The following SLC9D1 variants were observed in gnomAD, a reference collection of about 807,000 sequenced individuals.
SLC9D1 encodes putative LAG1-interacting protein.
the SLC9D1 span, chr13:113,498,524 A>G: frequency 6.3e-7 from 1 of 1,579,648 alleles, no homozygotes; most frequent in South Asian, 1.2e-5. Context: ...ATAAATCAGT[A>G]AGCGTTCCAG....
At chr13:113,516,646 G>A in the SLC9D1 span, among the ~76,000 whole-genome samples, 1 of 152,034 alleles carries the variant, frequency 6.6e-6, no homozygotes, top group Non-Finnish European at 1.5e-5. Flanking sequence ...GCTTAAAGGT[G>A]TTAGCTCTGG....
At chr13:113,500,703 C>A in the SLC9D1 span, among the ~76,000 whole-genome samples, 1 of 152,152 alleles carries the variant, frequency 6.6e-6, no homozygotes, top group African/African-American at 2.4e-5. Flanking sequence ...ACAGGTGCAG[C>A]CCCTCAGGGA....
At chr13:113,519,720 GT>G in the SLC9D1 span, among the ~76,000 whole-genome samples, 1 of 150,868 alleles carries the variant, frequency 6.6e-6, no homozygotes, top group Non-Finnish European at 1.5e-5. Flanking sequence ...ATTCCGTGTG[GT>G]GGCTTGGGTG....
chr13:113,538,389 A>G, the SLC9D1 span, among the ~76,000 whole-genome samples: 1 of 152,156 alleles, frequency 6.6e-6, no homozygotes, highest in Admixed American at 6.5e-5. Context: ...GTTTGGGTCC[A>G]GCTTTGTTCT....
chr13:113,531,439 C>CGT, the SLC9D1 span, among the ~76,000 whole-genome samples: 1 of 150,310 alleles, frequency 6.7e-6, no homozygotes. Flanking sequence ...GCAGCACACG[C>CGT]GTGGACCTGC....
At chr13:113,549,142 A>G in the SLC9D1 span, among the ~76,000 whole-genome samples, 2 of 152,118 alleles carry the variant, frequency 1.3e-5, no homozygotes, top group African/African-American at 2.4e-5. Flanking sequence ...CTACATCCCA[A>G]TGTCCTCAGC....
At chr13:113,530,653 C>G in the SLC9D1 span, 1 of 152,058 alleles carries the variant, frequency 6.6e-6, no homozygotes, top group Non-Finnish European at 1.5e-5. Flanking sequence ...AAGCTTTATT[C>G]AGAATTAACC....
At chr13:113,493,665 T>C in the SLC9D1 span, among the ~76,000 whole-genome samples, 20 of 152,290 alleles carry the variant, frequency 1.3e-4, no homozygotes, top group Non-Finnish European at 8.8e-5. Context: ...TTACCTGTTC[T>C]AGGTAAGTGA....
chr13:113,512,592 C>T, the SLC9D1 span, among the ~76,000 whole-genome samples: 4 of 148,102 alleles, frequency 2.7e-5, no homozygotes, highest in East Asian at 2.0e-4. Flanking sequence ...GGAAGGGGGC[C>T]GGAGTGTAAA....
At chr13:113,527,886 T>C in the SLC9D1 span, 1 of 152,234 alleles carries the variant, frequency 6.6e-6, no homozygotes, top group Non-Finnish European at 1.5e-5. Flanking sequence ...ATGAATTCTG[T>C]CTGTCCTCGG....
chr13:113,505,942 C>T, the SLC9D1 span: 1 of 152,682 alleles, frequency 6.5e-6, no homozygotes, highest in African/African-American at 2.4e-5. Context: ...CTCCTGAAGA[C>T]AGGCATCCTC....
the SLC9D1 span, among the ~76,000 whole-genome samples, chr13:113,513,791 CAGG>C: frequency 1.3e-5 from 2 of 152,138 alleles, no homozygotes; most frequent in Admixed American, 6.5e-5. Flanking sequence ...AAAAATCTGG[CAGG>C]AGTTTTCATG....
the SLC9D1 span, among the ~76,000 whole-genome samples, chr13:113,517,779 A>G: frequency 6.6e-6 from 1 of 151,822 alleles, no homozygotes. Context: ...GGGATGATGA[A>G]CTTTCAGAAT....
At chr13:113,503,265 A>G in the SLC9D1 span, among the ~76,000 whole-genome samples, 1 of 152,174 alleles carries the variant, frequency 6.6e-6, no homozygotes, top group Non-Finnish European at 1.5e-5. Context: ...AAAATAATGT[A>G]ATTATAAATA....
the SLC9D1 span, among the ~76,000 whole-genome samples, chr13:113,546,290 A>G: frequency 4.6e-5 from 7 of 151,336 alleles, no homozygotes; most frequent in African/African-American, 1.5e-4. This position sits in a 1 kb window ranked among gnomAD's most constrained non-coding sequence, Gnocchi z 7.1. Context: ...AGCTGGGGAG[A>G]GAGGGAGGTG....
the SLC9D1 span, among the ~76,000 whole-genome samples, chr13:113,515,738 A>G: frequency 1.3e-5 from 2 of 151,888 alleles, no homozygotes; most frequent in African/African-American, 4.8e-5. Context: ...AAAAATACAA[A>G]AAATTAGCCG....
chr13:113,511,128 C>T, the SLC9D1 span, among the ~76,000 whole-genome samples: 1 of 152,078 alleles, frequency 6.6e-6, no homozygotes, highest in African/African-American at 2.4e-5. Context: ...GAAACCTAGG[C>T]AGGACCGTGT....
the SLC9D1 span, among the ~76,000 whole-genome samples, chr13:113,517,283 A>G: frequency 0.024 from 3,583 of 152,240 alleles, 89 homozygotes; most frequent in East Asian, 0.11. Flanking sequence ...CCCAGGCTGG[A>G]GTGCAACGGC....
At chr13:113,495,995 C>T in the SLC9D1 span, 1 of 1,612,404 alleles carries the variant, frequency 6.2e-7, no homozygotes, top group Non-Finnish European at 8.5e-7. Flanking sequence ...GCCGGCAGCG[C>T]CTGGAGGCCC....
Sources: allele counts gnomAD v4.1 joint callset (sites outside exome capture counted in the v4.1 genomes callset), GRCh38; gene constraint gnomAD v4.1.1; non-coding constraint Gnocchi (gnomAD v3.1); transcripts MANE v1.5; gene names NCBI Gene and HGNC (gene_info 2026-07-23, HGNC 2026-07-21).